The following ZNF521 variants were observed in gnomAD, a reference collection of about 807,000 sequenced individuals.
The protein encoded by ZNF521 is zinc finger protein 521, also known as LYST-interacting protein 3.
ZNF521 carries 14 observed loss-of-function variants against 105.5 expected under a neutral mutation model. The ratio of observed to expected loss-of-function variants is 0.13; its 90% CI spans 0.09 to 0.21. ZNF521 has a LOEUF of 0.21. Ranked by LOEUF, ZNF521 falls within the 10% of genes least tolerant of loss-of-function variation. ZNF521 has a pLI of 1.00. For missense variants in ZNF521, 1,233 were observed against 1,629.7 expected (o/e 0.76, Z 4.19); for synonymous variants, 635 against 606.0 (o/e 1.05, Z -0.70).
Position 25,224,572 on chromosome 18 carries a change from G to A in ZNF521, c.3346C>T (p.Pro1116Ser). 2 of 1,614,020 alleles carry A rather than the reference G, an allele frequency of 1.2e-6. No homozygotes were observed. Among genetic ancestry groups the A allele is most frequent in the Non-Finnish European group, 1.7e-6 (2 of 1,180,004 alleles). Residue 1116 changes from proline (P) to serine (S), a missense_variant, in exon 4 of 8, where the codon CCA becomes TCA. Around this residue, in one of 6 missense-constraint regions of ZNF521, gnomAD observed 614 missense variants for 751.5 expected, o/e 0.82. Transcript: ENST00000361524. Reference protein sequence around the residue: ...GINVPPGTNRPGLGQNENLSA... With the variant: ...GINVPPGTNRSGLGQNENLSA... ...AGATTCTCATTCTGGCCCAAGCCTG[G>A]TCTATTCGTGCCGGGAGGGACGTTA... is the stretch of plus-strand genomic sequence containing the variant.
At chr18:25,208,447 T>G (rs1446910112) in intron 4 of ZNF521, among the ~76,000 whole-genome samples, 2 of 152,214 alleles carry the variant, frequency 1.3e-5, no homozygotes, top group African/African-American at 4.8e-5. Context: ...CCATCAAAAC[T>G]ATCTTAATTC....
chr18:25,232,900 A>T (rs1018003768), intron 3 of ZNF521, among the ~76,000 whole-genome samples: 2 of 152,334 alleles, frequency 1.3e-5, no homozygotes, highest in East Asian at 3.9e-4. Flanking sequence ...TACTTCTGCC[A>T]GCAGGCTATA....
intron 5 of ZNF521, among the ~76,000 whole-genome samples, chr18:25,103,963 C>G (rs952198705): frequency 3.9e-5 from 6 of 151,964 alleles, no homozygotes; most frequent in African/African-American, 1.4e-4. Flanking sequence ...AAAACCAAAG[C>G]TAAAGACTAT....
chr18:25,270,973 G>A (rs1317507441), intron 3 of ZNF521, among the ~76,000 whole-genome samples: 1 of 152,208 alleles, frequency 6.6e-6, no homozygotes, highest in Non-Finnish European at 1.5e-5. Context: ...TAGGAAGAGA[G>A]AAAGTCAAAT....
chr18:25,086,222 A>T (rs528771106), intron 7 of ZNF521, among the ~76,000 whole-genome samples: 60 of 151,914 alleles, frequency 3.9e-4, no homozygotes, highest in Admixed American at 1.8e-3. Context: ...ATTTTAGAAA[A>T]TTTTTTTTCA....
At chr18:25,169,408 G>C (rs2035407884) in intron 5 of ZNF521, among the ~76,000 whole-genome samples, 1 of 152,094 alleles carries the variant, frequency 6.6e-6, no homozygotes, top group East Asian at 1.9e-4. Flanking sequence ...CTCATACAAG[G>C]TACATCTTGT....
chr18:25,125,902 T>C (rs1332647219), intron 5 of ZNF521, among the ~76,000 whole-genome samples: 2 of 151,996 alleles, frequency 1.3e-5, no homozygotes, highest in Admixed American at 6.6e-5. Context: ...AGTTAGGAAA[T>C]TGTATATTTT....
At chr18:25,329,412 G>A (rs1195962854) in intron 2 of ZNF521, among the ~76,000 whole-genome samples, 1 of 152,226 alleles carries the variant, frequency 6.6e-6, no homozygotes, top group African/African-American at 2.4e-5. Context: ...CTCAGATGGA[G>A]GGGCATCTAA....
chr18:25,304,474 C>G (rs1911855950), intron 3 of ZNF521, among the ~76,000 whole-genome samples: 1 of 152,098 alleles, frequency 6.6e-6, no homozygotes, highest in Non-Finnish European at 1.5e-5. Flanking sequence ...TGTGTGCAAA[C>G]CTACAGCACT....
At position 25,348,353 on chromosome 18, in the gene ZNF521, T is replaced by C. The variant is rs74906993; in HGVS notation, c.40+2554A>G. 7.9e-3 allele frequency among the ~76,000 whole-genome samples: 1,210 copies of C among 152,240 alleles called. 16 individuals are homozygous for C. Among genetic ancestry groups the C allele is most frequent in the African/African-American group, 0.028 (1,160 of 41,532 alleles). On this transcript the variant is annotated intron_variant, in intron 2 of 7. Coordinates refer to ENST00000361524, the MANE Select transcript of ZNF521 (RefSeq NM_015461.3). ...GAAATCAAAATACTGAAGAGAAGGC[T>C]AGGTATTTAACAAGAGCCACCCAGA...
At chr18:25,070,494 A>G (rs1156352409) in intron 7 of ZNF521, among the ~76,000 whole-genome samples, 3 of 152,218 alleles carry the variant, frequency 2.0e-5, no homozygotes, top group Non-Finnish European at 4.4e-5. Context: ...CAGTCATTAC[A>G]TAAAACACAT....
chr18:25,308,138 G>A (rs1459402691), intron 3 of ZNF521, among the ~76,000 whole-genome samples: 1 of 144,642 alleles, frequency 6.9e-6, no homozygotes, highest in African/African-American at 2.6e-5. Context: ...GCAGGCGGAG[G>A]TTGCAATGAG....
chr18:25,283,575 T>C (rs922143387), intron 3 of ZNF521, among the ~76,000 whole-genome samples: 6 of 152,246 alleles, frequency 3.9e-5, no homozygotes, highest in African/African-American at 7.2e-5. Flanking sequence ...TATAATTAAT[T>C]TCATTGTCTT....
intron 5 of ZNF521, among the ~76,000 whole-genome samples, chr18:25,112,384 G>GT: frequency 6.6e-6 from 1 of 152,088 alleles, no homozygotes; most frequent in Non-Finnish European, 1.5e-5. Flanking sequence ...CTAGAAAGGC[G>GT]TACCCCTGCC....
intron 5 of ZNF521, among the ~76,000 whole-genome samples, chr18:25,117,078 C>T (rs75317292): frequency 0.1 from 2,045 of 20,192 alleles, 56 homozygotes; most frequent in South Asian, 0.15. Context: ...CACACACACA[C>T]ACACATACAC....
Position 25,210,860 on chromosome 18 carries a change from A to G in ZNF521, c.3573+13485T>C, listed in dbSNP as rs113890334. Among the ~76,000 whole-genome samples the G allele has an allele frequency of 8.0e-3, 1,220 of 152,300 alleles. 11 individuals are homozygous for G. The highest frequency in any genetic ancestry group is 0.011 in the Non-Finnish European group (731 of 68,016). ...AGGCATACTGTCTCCCTGTTCTCAC[A>G]TAAGCTTGCCAGACATACACAGAGG... On this transcript the variant is annotated intron_variant, in intron 4 of 7. Coordinates refer to ENST00000361524, the MANE Select transcript of ZNF521 (RefSeq NM_015461.3).
intron 5 of ZNF521, among the ~76,000 whole-genome samples, chr18:25,127,608 C>T (rs981385497): frequency 6.6e-6 from 1 of 151,890 alleles, no homozygotes; most frequent in Non-Finnish European, 1.5e-5. Context: ...AAGGAGCCAA[C>T]AAATATGAAT....
At chr18:25,187,229 T>G (rs532038593) in intron 5 of ZNF521, among the ~76,000 whole-genome samples, 19 of 152,330 alleles carry the variant, frequency 1.2e-4, no homozygotes, top group African/African-American at 4.6e-4. Context: ...GAAAAGAGAC[T>G]GTAATCTCTT....
chr18:25,068,321 C>G (rs2033124230), intron 7 of ZNF521, among the ~76,000 whole-genome samples: 1 of 152,116 alleles, frequency 6.6e-6, no homozygotes, highest in African/African-American at 2.4e-5. Flanking sequence ...CACTGATTAA[C>G]TAATTATATT....
Sources: allele counts gnomAD v4.1 joint callset (sites outside exome capture counted in the v4.1 genomes callset), GRCh38; gene constraint gnomAD v4.1.1; regional missense constraint gnomAD v4.1.1; transcripts MANE v1.5; gene names NCBI Gene and HGNC (gene_info 2026-07-23, HGNC 2026-07-21).